DDHD2: variants seen among roughly 807,000 people sequenced by gnomAD.
DDHD2 encodes the protein triacylglycerol hydrolase DDHD2.
In DDHD2, 62 loss-of-function variants were observed where a neutral mutation model predicts 91.2. The ratio of observed to expected loss-of-function variants is 0.68; its 90% CI spans 0.55 to 0.84. The LOEUF is 0.84. DDHD2 is among the 40% of genes least tolerant of loss of function. DDHD2 has a pLI of 0.00. For synonymous variants in DDHD2, 271 were observed against 293.9 expected, an observed-to-expected ratio of 0.92 and a Z score of 0.80; for missense variants, 740 against 846.9, an observed-to-expected ratio of 0.87 and a Z score of 1.57.
Position 38,249,789 on chromosome 8 carries a change from A to AG in DDHD2, c.1331dup (p.Asn446LysfsTer6). 6.2e-7 allele frequency: 1 copy of AG among 1,608,290 alleles called. No homozygotes were observed. The highest frequency in any genetic ancestry group is 1.3e-5 in the African/African-American group (1 of 74,918). ...GAAGATATTAAACTATTTCAGCACC[A>AG]GAAAAAACTCAATGGTATGTGCCTA... On this transcript the variant is annotated frameshift_variant, in exon 11 of 18. Coordinates refer to ENST00000397166, the MANE Select transcript of DDHD2 (RefSeq NM_015214.3). LOFTEE classifies it high-confidence loss of function.
intron 15 of DDHD2, 92 bp from the exon 16 acceptor site, chr8:38,253,464 C>G: frequency 8.9e-7 from 1 of 1,128,998 alleles, no homozygotes; most frequent in Non-Finnish European, 1.3e-6. Flanking sequence ...GTAGCTCATT[C>G]TCTGGTAAAC....
At chr8:38,263,351 T>G (rs371182374), downstream of DDHD2, 3 of 981,110 alleles carry the variant, frequency 3.1e-6, no homozygotes, top group African/African-American at 5.2e-5. Flanking sequence ...TGACGATACC[T>G]GTCATTTTTC....
At chr8:38,264,918 T>G, downstream of DDHD2, 1 of 1,612,884 alleles carries the variant, frequency 6.2e-7, no homozygotes. Flanking sequence ...CTTATTGCTA[T>G]TCATCTGCCC....
At chr8:38,241,065 C>CAAAA (rs1176378276) in intron 6 of DDHD2, among the ~76,000 whole-genome samples, 1 of 50,534 alleles carries the variant, frequency 2.0e-5, no homozygotes, top group Admixed American at 2.0e-4. Flanking sequence ...AGTGAGACCT[C>CAAAA]AAAAAAAAAA....
intron 3 of DDHD2, 90 bp downstream of exon 3, chr8:38,234,674 A>G: frequency 8.5e-7 from 1 of 1,176,950 alleles, no homozygotes; most frequent in Admixed American, 2.8e-5. Context: ...TGAAATTTCC[A>G]GAAAGACTTT....
rs145348289 is a variant in DDHD2 at position 38,236,424 on chromosome 8, G to A, written c.412-1114G>A. On this transcript the variant is annotated intron_variant, in intron 3 of 17. Transcript: ENST00000397166. ...GGCTGGAGTCCAGTGGTGCGATCTCGGCTCACTGCAACCTCTGCATCCTGG... is the reference window on the plus strand; with the variant it reads ...GGCTGGAGTCCAGTGGTGCGATCTCAGCTCACTGCAACCTCTGCATCCTGG... Among the ~76,000 whole-genome samples, 58 of 151,174 alleles carry A rather than the reference G, an allele frequency of 3.8e-4. No homozygotes were observed. In the East Asian group the frequency reaches 7.8e-3, roughly 20 times the overall value.
chr8:38,263,280 T>C, downstream of DDHD2: 1 of 583,236 alleles, frequency 1.7e-6, no homozygotes, highest in Non-Finnish European at 2.2e-6. Context: ...TGACATCCCA[T>C]AATTGTTCCT....
At chr8:38,258,541 G>A (rs375742763) in intron 16 of DDHD2, among the ~76,000 whole-genome samples, 5 of 152,138 alleles carry the variant, frequency 3.3e-5, no homozygotes, top group South Asian at 2.1e-4. Context: ...GTGAGCCACC[G>A]TGCCTGGCCA....
At chr8:38,262,917 C>T, downstream of DDHD2, 1 of 152,102 alleles carries the variant, frequency 6.6e-6, no homozygotes, top group East Asian at 1.9e-4. Flanking sequence ...TTCCTGTTGA[C>T]TGGTATTTTA....
chr8:38,244,811 G>A (rs921095859), intron 7 of DDHD2, among the ~76,000 whole-genome samples: 4 of 151,948 alleles, frequency 2.6e-5, no homozygotes, highest in Non-Finnish European at 4.4e-5. Flanking sequence ...TGATCTGCCC[G>A]CCTCAGCCTC....
chr8:38,253,798 G>A, intron 16 of DDHD2, 80 bp downstream of exon 16: 1 of 1,428,964 alleles, frequency 7.0e-7, no homozygotes, highest in East Asian at 2.3e-5. Flanking sequence ...AAGGAGGATA[G>A]GCCAGGTGCA....
downstream of DDHD2, chr8:38,264,408 C>T: frequency 2.7e-6 from 4 of 1,498,974 alleles, no homozygotes; most frequent in Non-Finnish European, 3.6e-6. Flanking sequence ...GTTGGGATTA[C>T]AGGCATGAGC....
At chr8:38,237,065 A>T (rs563733132) in intron 3 of DDHD2, among the ~76,000 whole-genome samples, 1 of 152,126 alleles carries the variant, frequency 6.6e-6, no homozygotes, top group Admixed American at 6.6e-5. Flanking sequence ...TGCTACTATC[A>T]GTTGTAATTT....
At chr8:38,268,353 G>A (rs370633228) in intron 1 of DDHD2, 5 of 1,554,960 alleles carry the variant, frequency 3.2e-6, no homozygotes, top group Non-Finnish European at 4.4e-6. Context: ...AAACCGGCCC[G>A]AAAGGGCTAG....
chr8:38,259,989 T>C, intron 16 of DDHD2, 51 bp from the exon 17 acceptor site: 1 of 1,170,544 alleles, frequency 8.5e-7, no homozygotes, highest in Non-Finnish European at 1.3e-6. Flanking sequence ...ATGTAAAACA[T>C]TTGGCACAAG....
chr8:38,246,867 T>C (rs1036454971), intron 9 of DDHD2: 3 of 152,764 alleles, frequency 2.0e-5, no homozygotes, highest in Admixed American at 6.5e-5. Context: ...GATCTGTTAA[T>C]AGAGTTATGG....
downstream of DDHD2, chr8:38,265,698 G>A (rs1278691329): frequency 2.0e-5 from 3 of 153,046 alleles, no homozygotes; most frequent in East Asian, 5.8e-4. Context: ...AAAGTGCTGA[G>A]GTGTGAGCCA....
chr8:38,273,427 A>G (rs1296967443), downstream of DDHD2: 4 of 152,230 alleles, frequency 2.6e-5, no homozygotes, highest in Admixed American at 1.3e-4. Flanking sequence ...GCTGCATAAA[A>G]ATACTGAAAC....
intron 7 of DDHD2, among the ~76,000 whole-genome samples, chr8:38,243,087 G>A (rs1159977725): frequency 1.3e-5 from 2 of 152,128 alleles, no homozygotes; most frequent in Non-Finnish European, 2.9e-5. Context: ...CCTGTGATTT[G>A]GGTATATTCT....
Sources: allele counts gnomAD v4.1 joint callset (sites outside exome capture counted in the v4.1 genomes callset), GRCh38; gene constraint gnomAD v4.1.1; transcripts MANE v1.5; gene names NCBI Gene and HGNC (gene_info 2026-07-23, HGNC 2026-07-21).